CFDP1: variants seen among roughly 807,000 people sequenced by gnomAD.
The protein encoded by CFDP1 is chromatin remodeling protein CFDP1, also known as heterochromatin-stabilizing protein CFDP1.
A neutral mutation model predicts 40.1 loss-of-function variants in CFDP1; 31 were observed. The ratio of observed to expected loss-of-function variants is 0.77; its 90% CI spans 0.58 to 1.04. CFDP1 has a LOEUF of 1.04. Ranked by LOEUF, CFDP1 falls within the 50% of genes least tolerant of loss-of-function variation. CFDP1 has a pLI of 0.00. For missense variants in CFDP1, 423 were observed against 343.4 expected (o/e 1.23, Z -1.83); for synonymous variants, 167 against 120.0 (o/e 1.39, Z -2.56).
In CFDP1 at chr16:75,414,127, C is replaced by A. The variant is rs146738826; in HGVS notation, c.182+451G>T. Among the ~76,000 whole-genome samples the A allele has an allele frequency of 2.1e-4, 32 of 152,026 alleles. No individual in the cohort carries two copies. The East Asian group carries it at 5.4e-3, about 26-fold the overall frequency. On this transcript the variant is annotated intron_variant, in intron 2 of 6. Coordinates refer to ENST00000283882, the MANE Select transcript of CFDP1 (RefSeq NM_006324.3). ...GTAATACTATGAAAAGGAGGAGATA[C>A]TGCCATGGTACTATCTCCAAGATGT... is the stretch of plus-strand genomic sequence containing the variant.
chr16:75,377,219 T>A (rs1188817086), intron 5 of CFDP1, among the ~76,000 whole-genome samples: 1 of 152,238 alleles, frequency 6.6e-6, no homozygotes, highest in African/African-American at 2.4e-5. Flanking sequence ...ATAATGAACC[T>A]ACCTCCTGCC....
intron 5 of CFDP1, among the ~76,000 whole-genome samples, chr16:75,354,281 CCAT>C (rs1449161383): frequency 2.6e-5 from 4 of 152,106 alleles, no homozygotes; most frequent in African/African-American, 4.8e-5. Context: ...GGACATAACC[CCAT>C]CATATGTCAA....
intron 5 of CFDP1, among the ~76,000 whole-genome samples, chr16:75,353,965 T>C (rs776533659): frequency 2.0e-5 from 3 of 152,166 alleles, no homozygotes; most frequent in Admixed American, 6.5e-5. Flanking sequence ...TCCCTTACTA[T>C]AGTTTGACTT....
At position 75,328,614 on chromosome 16, in the gene CFDP1, A is replaced by AAAC. The variant is rs1555554671; in HGVS notation, c.651-23433_651-23432insGTT. ...AACTCTGTCTTAAAAAAAAAAAAAA[A>AAAC]AAAAAAAAACTAGAGTGGAGGAAGT... On this transcript the variant is annotated intron_variant, in intron 5 of 6. Transcript: ENST00000283882. 1.0e-4 allele frequency among the ~76,000 whole-genome samples: 15 copies of AAAC among 150,114 alleles called. 2 individuals are homozygous for AAAC. The highest frequency in any genetic ancestry group is 4.6e-4 in the Admixed American group (7 of 15,110).
intron 5 of CFDP1, among the ~76,000 whole-genome samples, chr16:75,334,534 T>C (rs1326412889): frequency 1.3e-5 from 2 of 151,438 alleles, no homozygotes; most frequent in Non-Finnish European, 2.9e-5. Flanking sequence ...GAGGTTTCTA[T>C]AAAGGAGGGA....
At chr16:75,433,002 G>T (rs1322643090) in intron 1 of CFDP1, among the ~76,000 whole-genome samples, 3 of 152,214 alleles carry the variant, frequency 2.0e-5, no homozygotes, top group African/African-American at 7.2e-5. Flanking sequence ...GGGGCTGACC[G>T]ACGAGCGTCC....
intron 5 of CFDP1, among the ~76,000 whole-genome samples, chr16:75,327,567 G>A (rs2078411782): frequency 6.6e-6 from 1 of 152,098 alleles, no homozygotes; most frequent in East Asian, 1.9e-4. Context: ...AGGATTTTAT[G>A]GCTTTGTTGA....
intron 5 of CFDP1, among the ~76,000 whole-genome samples, chr16:75,325,879 T>G (rs1043603804): frequency 2.0e-5 from 3 of 152,238 alleles, no homozygotes; most frequent in African/African-American, 7.2e-5. Flanking sequence ...AACCATTTAT[T>G]AATTGCAACA....
rs189945816 is a variant in CFDP1 at position 75,385,101 on chromosome 16, T to C, written c.650+9989A>G. On this transcript the variant is annotated intron_variant, in intron 5 of 6. Transcript: ENST00000283882. Reference sequence around the variant, plus strand: ...ATTAGAAATTGAATAAGGAAAATAATTTTTAAAAGATTTTCCCATGAATAC... The same window carrying C: ...ATTAGAAATTGAATAAGGAAAATAACTTTTAAAAGATTTTCCCATGAATAC... 2.9e-3 allele frequency among the ~76,000 whole-genome samples: 445 copies of C among 152,026 alleles called. 6 individuals carry two copies. Among genetic ancestry groups the C allele is most frequent in the Admixed American group, 0.025 (383 of 15,250 alleles).
intron 5 of CFDP1, chr16:75,394,657 G>GTTTTTTTTTTTTTTTTT (rs1567670026): frequency 1.7e-5 from 1 of 58,568 alleles, no homozygotes. Flanking sequence ...AATTTTCTTC[G>GTTTTTTTTTTTTTTTTT]CTTTTTTTTT....
intron 2 of CFDP1, among the ~76,000 whole-genome samples, chr16:75,414,240 T>C (rs1009424687): frequency 6.6e-6 from 1 of 152,116 alleles, no homozygotes; most frequent in African/African-American, 2.4e-5. Context: ...TATAGACATA[T>C]ATGCATTTGC....
At chr16:75,373,282 A>G (rs1258644347) in intron 5 of CFDP1, among the ~76,000 whole-genome samples, 1 of 152,254 alleles carries the variant, frequency 6.6e-6, no homozygotes, top group Non-Finnish European at 1.5e-5. Context: ...AAGTATATTT[A>G]AATAATCTCA....
chr16:75,333,244 C>T (rs903085000), intron 5 of CFDP1, among the ~76,000 whole-genome samples: 2 of 152,036 alleles, frequency 1.3e-5, no homozygotes, highest in Non-Finnish European at 2.9e-5. Context: ...CTGCCTCAGC[C>T]TCTCGAGTAG....
intron 5 of CFDP1, among the ~76,000 whole-genome samples, chr16:75,368,248 TA>T (rs1358055079): frequency 2.0e-5 from 3 of 152,232 alleles, no homozygotes; most frequent in Non-Finnish European, 4.4e-5. Context: ...AAATTATTAT[TA>T]TTTTTAGATG....
intron 5 of CFDP1, among the ~76,000 whole-genome samples, chr16:75,388,002 A>G (rs1183810714): frequency 6.6e-6 from 1 of 152,230 alleles, no homozygotes; most frequent in Non-Finnish European, 1.5e-5. Context: ...AATTGAGGAG[A>G]GACTCTTTTA....
rs974946263 is a variant in CFDP1, at chr16:75,315,707, T to C, written c.651-10525A>G. Reference sequence around the variant, plus strand: ...TCTTTCTATATATAGATTTACTTTTTTGTGGCCGTGTGGAGCCATTGCATC... The same window carrying C: ...TCTTTCTATATATAGATTTACTTTTCTGTGGCCGTGTGGAGCCATTGCATC... On this transcript the variant is annotated intron_variant, in intron 5 of 6. Transcript: ENST00000283882. Among the ~76,000 whole-genome samples the C allele has an allele frequency of 8.5e-5, 13 of 152,322 alleles. 1 individual carries two copies. Among genetic ancestry groups the C allele is most frequent in the African/African-American group, 3.1e-4 (13 of 41,578 alleles).
At chr16:75,300,239 T>C (rs1172543644) in intron 6 of CFDP1, among the ~76,000 whole-genome samples, 3 of 152,108 alleles carry the variant, frequency 2.0e-5, no homozygotes, top group South Asian at 2.1e-4. Context: ...AAACCATCAA[T>C]TGGACTTGTG....
intron 1 of CFDP1, among the ~76,000 whole-genome samples, chr16:75,417,642 T>G (rs2079222608): frequency 6.6e-6 from 1 of 152,172 alleles, no homozygotes; most frequent in African/African-American, 2.4e-5. Context: ...AAGCAAGAGT[T>G]CACTGTGTTT....
At chr16:75,379,803 C>T (rs995768519) in intron 5 of CFDP1, 1 of 152,074 alleles carries the variant, frequency 6.6e-6, no homozygotes, top group Non-Finnish European at 1.5e-5. Context: ...CATGAGTATA[C>T]AACCTCTTAA....
Sources: gnomAD v4.1 joint callset for allele counts (sites outside exome capture counted in the v4.1 genomes callset) on GRCh38, gnomAD v4.1.1 for gene constraint, MANE v1.5 for transcripts, NCBI Gene and HGNC (gene_info 2026-07-23, HGNC 2026-07-21) for gene names.